ABCA12: variants seen among roughly 807,000 people sequenced by gnomAD.
The protein encoded by ABCA12 is glucosylceramide transporter ABCA12.
Under a neutral mutation model 293.5 loss-of-function variants are expected in ABCA12, and 156 were observed. The ratio of observed to expected loss-of-function variants is 0.53; its 90% CI spans 0.47 to 0.61. ABCA12 has a LOEUF of 0.61. Ranked by LOEUF, ABCA12 falls within the 20% of genes least tolerant of loss-of-function variation. The pLI is 0.00. For synonymous variants in ABCA12, 1,063 were observed against 1,108.0 expected, an observed-to-expected ratio of 0.96 and a Z score of 0.81; for missense variants, 2,797 against 3,090.2, an observed-to-expected ratio of 0.91 and a Z score of 2.25.
At chr2:214,955,629 A>C (rs1389249351) in intron 42 of ABCA12, among the ~76,000 whole-genome samples, 1 of 152,156 alleles carries the variant, frequency 6.6e-6, no homozygotes, top group East Asian at 1.9e-4. Context: ...ATGCCACTGC[A>C]CTCCAGCCTG....
intron 2 of ABCA12, among the ~76,000 whole-genome samples, chr2:215,064,454 GC>G (rs1189276892): frequency 2.0e-5 from 3 of 151,928 alleles, no homozygotes; most frequent in Non-Finnish European, 4.4e-5. Flanking sequence ...ATTTAAAAAT[GC>G]CTGGTTACCC....
intron 15 of ABCA12, 128 bp from the exon 16 acceptor site, chr2:215,012,263 G>T: frequency 7.4e-6 from 6 of 816,026 alleles, no homozygotes; most frequent in Non-Finnish European, 1.2e-5. Flanking sequence ...ATAGTTAAAT[G>T]TAAATTTAAC....
At position 214,986,638 on chromosome 2, in the gene ABCA12, C is replaced by G; in HGVS notation, c.4067G>C (p.Gly1356Ala). Residue 1356 changes from glycine (G) to alanine (A), a missense_variant, in exon 28 of 53, where the codon GGC becomes GCC. Gly to Ala is a moderately conservative substitution (Grantham distance 60). Coordinates refer to ENST00000272895, the MANE Select transcript of ABCA12 (RefSeq NM_173076.3). Reference protein sequence around the residue: ...VALHGVTKIYGSKVAVDNLNL... With the variant: ...VALHGVTKIYASKVAVDNLNL... Reference sequence around the variant, plus strand: ...GAGGTTATCAACAGCAACTTTTGAGCCATAGATCTTTGTGACCCCATGCAG... The same window carrying G: ...GAGGTTATCAACAGCAACTTTTGAGGCATAGATCTTTGTGACCCCATGCAG... The G allele has an allele frequency of 6.2e-7, 1 of 1,613,980 alleles. No homozygotes were observed. The highest frequency in any genetic ancestry group is 8.5e-7 in the Non-Finnish European group (1 of 1,179,972).
At chr2:214,943,481 T>C (rs1001788476) in intron 49 of ABCA12, among the ~76,000 whole-genome samples, 1 of 152,026 alleles carries the variant, frequency 6.6e-6, no homozygotes, top group African/African-American at 2.4e-5. Context: ...TTTAGTTCTT[T>C]TAAAGGAGAA....
At chr2:215,001,528 A>AAG in intron 21 of ABCA12, 30 bp downstream of exon 21, 2 of 1,613,136 alleles carry the variant, frequency 1.2e-6, no homozygotes, top group Non-Finnish European at 1.7e-6. Context: ...GCACAAAGAG[A>AAG]TGCTCAAACC....
chr2:215,021,460 C>T (rs1700630230), intron 11 of ABCA12, among the ~76,000 whole-genome samples: 1 of 152,192 alleles, frequency 6.6e-6, no homozygotes, highest in South Asian at 2.1e-4. Context: ...TATCAGTTCA[C>T]TGTGTTCTAT....
At chr2:215,038,746 C>T (rs1324026854) in intron 7 of ABCA12, among the ~76,000 whole-genome samples, 6 of 152,222 alleles carry the variant, frequency 3.9e-5, no homozygotes, top group Non-Finnish European at 5.9e-5. Context: ...CCCAAAGTAA[C>T]ATCTTCAAAG....
chr2:215,027,120 G>A (rs1700764791), intron 9 of ABCA12, among the ~76,000 whole-genome samples, 182 bp from the exon 10 acceptor site: 1 of 152,090 alleles, frequency 6.6e-6, no homozygotes, highest in South Asian at 2.1e-4. Context: ...CGAGACGAGC[G>A]GATCACGAGG....
At chr2:215,047,097 C>T (rs1559165375) in intron 6 of ABCA12, among the ~76,000 whole-genome samples, 2 of 152,086 alleles carry the variant, frequency 1.3e-5, no homozygotes, top group Non-Finnish European at 2.9e-5. Context: ...GGAGGGAAGA[C>T]ATCCAGATAA....
chr2:214,965,422 A>C (rs1328138874), intron 39 of ABCA12, among the ~76,000 whole-genome samples: 1 of 152,226 alleles, frequency 6.6e-6, no homozygotes, highest in African/African-American at 2.4e-5. Context: ...ATAGAGAAGG[A>C]AACTTTCATC....
intron 1 of ABCA12, among the ~76,000 whole-genome samples, chr2:215,121,191 G>T (rs1224597459): frequency 6.6e-6 from 1 of 152,158 alleles, no homozygotes; most frequent in Non-Finnish European, 1.5e-5. Context: ...GCTGGTGTTT[G>T]AACCCAGGGA....
rs573047061 is a variant in ABCA12 at position 215,048,388 on chromosome 2, T to G, written c.693+1238A>C. On this transcript the variant is annotated intron_variant, in intron 6 of 52. Transcript: ENST00000272895. ...ACACATATGTTAACTGCAGCACTAG[T>G]CACAAAATAACAAAGACACAGAATC... Among the ~76,000 whole-genome samples, 158 of 150,030 alleles carry G rather than the reference T, an allele frequency of 1.1e-3. 3 individuals carry two copies. Among genetic ancestry groups the G allele is most frequent in the Non-Finnish European group, 6.3e-4 (43 of 67,946 alleles).
At chr2:214,957,549 AC>A (rs1446290320) in intron 41 of ABCA12, among the ~76,000 whole-genome samples, 5 of 152,176 alleles carry the variant, frequency 3.3e-5, no homozygotes, top group African/African-American at 1.2e-4. Flanking sequence ...CACATTTTAG[AC>A]CTCACTGGAT....
At chr2:215,031,041 C>T (rs772914175) in intron 9 of ABCA12, among the ~76,000 whole-genome samples, 8 of 152,222 alleles carry the variant, frequency 5.3e-5, no homozygotes, top group Middle Eastern at 3.4e-3. Context: ...CAGAAATTTG[C>T]GTCAATTAAC....
chr2:215,138,021 T>G lies in ABCA12; in HGVS notation c.69+119A>C, dbSNP rs2105925755. Reference sequence around the variant, plus strand: ...GGGGGATGAATTCTAAATATCTTACTTCCTGCTTTGGAAAATGCCTTTAAA... The same window carrying G: ...GGGGGATGAATTCTAAATATCTTACGTCCTGCTTTGGAAAATGCCTTTAAA... On this transcript the variant is annotated intron_variant, in intron 1 of 52. Coordinates refer to ENST00000272895, the MANE Select transcript of ABCA12 (RefSeq NM_173076.3). The G allele has an allele frequency of 5.7e-6, 6 of 1,044,544 alleles. No individual in the cohort carries two copies. The East Asian group carries it at 1.4e-4, about 25-fold the overall frequency. The allele number at this position is 1,044,544 out of a possible 1,614,324, so 64.7% of individuals were successfully genotyped here. A position where few individuals can be genotyped will look rare whatever the true frequency, so the allele number is the denominator to read the frequency against.
intron 23 of ABCA12, among the ~76,000 whole-genome samples, chr2:214,992,538 TTTTTA>T (rs1699940444): frequency 6.8e-6 from 1 of 147,110 alleles, no homozygotes; most frequent in African/African-American, 2.5e-5. Context: ...TTTTTTTTTT[TTTTTA>T]GGAAAAAAAA....
intron 49 of ABCA12, among the ~76,000 whole-genome samples, chr2:214,944,316 G>A (rs1265670022): frequency 1.3e-5 from 2 of 152,080 alleles, no homozygotes; most frequent in African/African-American, 4.8e-5. Flanking sequence ...GGAGGCTGAG[G>A]CAGGAGAATT....
At chr2:215,057,447 A>G (rs890378110) in intron 3 of ABCA12, among the ~76,000 whole-genome samples, 1 of 152,128 alleles carries the variant, frequency 6.6e-6, no homozygotes, top group African/African-American at 2.4e-5. Flanking sequence ...AGAATCCTAG[A>G]AACTTCAAAA....
In ABCA12 at chr2:214,942,874, A is replaced by G. The variant is rs746756334; in HGVS notation, c.7436+51T>C. On this transcript the variant is annotated intron_variant, in intron 50 of 52. Coordinates refer to ENST00000272895, the MANE Select transcript of ABCA12 (RefSeq NM_173076.3). Reference sequence around the variant, plus strand: ...TAATCCTTGAATCTGAGTGAGCACCATTAGATAGATGACCCAACACTATCT... The same window carrying G: ...TAATCCTTGAATCTGAGTGAGCACCGTTAGATAGATGACCCAACACTATCT... 4 of 1,487,762 alleles carry G rather than the reference A, an allele frequency of 2.7e-6. No homozygotes were observed. In the East Asian group the frequency reaches 9.1e-5, roughly 34 times the overall value. The allele number at this position is 1,487,762 out of a possible 1,614,324, so 92.2% of individuals were successfully genotyped here. A position where few individuals can be genotyped will look rare whatever the true frequency, so the allele number is the denominator to read the frequency against.
Sources: gnomAD v4.1 joint callset for allele counts (sites outside exome capture counted in the v4.1 genomes callset) on GRCh38, gnomAD v4.1.1 for gene constraint, MANE v1.5 for transcripts, NCBI Gene and HGNC (gene_info 2026-07-23, HGNC 2026-07-21) for gene names.